ANKS1A: variants seen among roughly 807,000 people sequenced by gnomAD.
ANKS1A encodes ankyrin repeat and sterile alpha motif domain containing 1A.
A neutral mutation model predicts 120.3 loss-of-function variants in ANKS1A; 55 were observed. The observed-to-expected ratio is 0.46, with a 90% CI of 0.37 to 0.57. ANKS1A has a LOEUF of 0.57. Ranked by LOEUF, ANKS1A falls within the 20% of genes least tolerant of loss-of-function variation. ANKS1A has a pLI of 0.00. For missense variants in ANKS1A, 1,123 were observed against 1,480.3 expected (o/e 0.76, Z 3.96); for synonymous variants, 590 against 604.7 (o/e 0.98, Z 0.36).
chr6:34,953,840 G>A (rs1418529446), intron 1 of ANKS1A, among the ~76,000 whole-genome samples: 2 of 152,150 alleles, frequency 1.3e-5, no homozygotes, highest in South Asian at 4.1e-4. Context: ...GAGTAAATAC[G>A]CTGAATGACT....
At chr6:35,080,002 G>A in intron 16 of ANKS1A, 74 bp downstream of exon 16, 1 of 1,476,928 alleles carries the variant, frequency 6.8e-7, no homozygotes, top group Non-Finnish European at 9.3e-7. Context: ...AATTCTTTAG[G>A]ATTCTTCAGA....
chr6:34,905,541 C>T (rs1013889333), intron 1 of ANKS1A, among the ~76,000 whole-genome samples: 1 of 152,208 alleles, frequency 6.6e-6, no homozygotes, highest in African/African-American at 2.4e-5. Flanking sequence ...TTTATTTGCT[C>T]AGTTTACCTT....
rs1374499497 is a variant in ANKS1A, at chr6:34,894,654, C to T, written c.197+5055C>T. 5.3e-5 allele frequency among the ~76,000 whole-genome samples: 8 copies of T among 152,106 alleles called. No individual in the cohort carries two copies. In the East Asian group the frequency reaches 1.5e-3, roughly 29 times the overall value. ...GTGACAGAGCTAGACCACGTCCTCA[C>T]ACCACCACCCCCCAAAAAAAGAAGA... On this transcript the variant is annotated intron_variant, in intron 1 of 23. Coordinates refer to ENST00000360359, the MANE Select transcript of ANKS1A (RefSeq NM_015245.3).
At chr6:34,904,580 A>C (rs1767543565) in intron 1 of ANKS1A, among the ~76,000 whole-genome samples, 1 of 152,110 alleles carries the variant, frequency 6.6e-6, no homozygotes, top group South Asian at 2.1e-4. Context: ...AAAAATACAA[A>C]AATTAGCTGT....
intron 9 of ANKS1A, among the ~76,000 whole-genome samples, chr6:34,992,967 A>G (rs6457799): frequency 0.8 from 121,763 of 152,126 alleles, 50,719 homozygotes; most frequent in Non-Finnish European, 0.92. Context: ...CCAGTGGGCT[A>G]AGGGACATGT....
chr6:35,087,988 C>T (rs897469648), intron 23 of ANKS1A, among the ~76,000 whole-genome samples: 1 of 152,236 alleles, frequency 6.6e-6, no homozygotes, highest in Non-Finnish European at 1.5e-5. Context: ...CGGCCTGTGC[C>T]CTGCACACAC....
At chr6:35,079,695 T>C in intron 15 of ANKS1A, 27 bp downstream of exon 15, 3 of 1,614,044 alleles carry the variant, frequency 1.9e-6, no homozygotes, top group Non-Finnish European at 2.5e-6. Context: ...TGGCCCGGCC[T>C]GGACTCTCCA....
rs76448381 is a variant in ANKS1A, at chr6:34,915,839, G to A, written c.197+26240G>A. ...TCTCTGAGCCACTCTATTTTGTTTG[G>A]GGTTCACTCCTAGTTTAAGGCAGAG... On this transcript the variant is annotated intron_variant, in intron 1 of 23. Transcript: ENST00000360359. Among the ~76,000 whole-genome samples, 409 of 152,090 alleles carry A rather than the reference G, an allele frequency of 2.7e-3. 12 individuals carry two copies. The East Asian group carries it at 0.073, about 27-fold the overall frequency.
At position 34,977,308 on chromosome 6, in the gene ANKS1A, C is replaced by T. The variant is rs944929659; in HGVS notation, c.436-4382C>T. 4.6e-5 allele frequency among the ~76,000 whole-genome samples: 7 copies of T among 151,898 alleles called. No homozygotes were observed. In the East Asian group the frequency reaches 7.7e-4, roughly 17 times the overall value. ...TGCTTTGCATCAACAAGGCACATGA[C>T]GTTGGTTTGTCTCATTCTTGATGAT... is the stretch of plus-strand genomic sequence containing the variant. On this transcript the variant is annotated intron_variant, in intron 3 of 23. Transcript: ENST00000360359.
At chr6:35,048,434 A>G (rs1775820729) in intron 11 of ANKS1A, among the ~76,000 whole-genome samples, 1 of 152,192 alleles carries the variant, frequency 6.6e-6, no homozygotes. Flanking sequence ...GCCCGCTGGC[A>G]GATAGTTACT....
chr6:35,084,606 C>T lies in ANKS1A; in HGVS notation c.3132+348C>T, dbSNP rs1325897406. Among the ~76,000 whole-genome samples the T allele has an allele frequency of 2.6e-5, 4 of 151,612 alleles. No homozygotes were observed. The highest frequency in any genetic ancestry group is 7.3e-5 in the African/African-American group (3 of 41,244). On this transcript the variant is annotated intron_variant, in intron 21 of 23. Transcript: ENST00000360359. This position sits in a 1 kb window ranked among gnomAD's most constrained non-coding sequence, Gnocchi z 4.8. ...GCCTCCCACGTAACTGGATAATAGG[C>T]GTGAGCCACCGCCCCTGACTTTCCA...
At chr6:34,997,882 G>A (rs1772940176) in intron 10 of ANKS1A, among the ~76,000 whole-genome samples, 1 of 152,242 alleles carries the variant, frequency 6.6e-6, no homozygotes, top group Admixed American at 6.5e-5. Flanking sequence ...AACTGCCAAG[G>A]AGGACTTTTG....
At chr6:34,960,401 T>C (rs1770575068) in intron 1 of ANKS1A, among the ~76,000 whole-genome samples, 1 of 151,964 alleles carries the variant, frequency 6.6e-6, no homozygotes, top group African/African-American at 2.4e-5. Context: ...AGGGCAGACT[T>C]TGTCTTTTTC....
chr6:35,016,128 G>A (rs1773991988), intron 10 of ANKS1A, among the ~76,000 whole-genome samples: 1 of 152,194 alleles, frequency 6.6e-6, no homozygotes, highest in Non-Finnish European at 1.5e-5. Context: ...TAGACGCTGA[G>A]GCCCAATAAG....
intron 11 of ANKS1A, 106 bp from the exon 12 acceptor site, chr6:35,053,993 C>A: frequency 1.2e-6 from 1 of 858,760 alleles, no homozygotes; most frequent in Non-Finnish European, 2.0e-6. Flanking sequence ...TCCTGGGAAG[C>A]ATCTGAAAGA....
chr6:34,963,300 G>A (rs1367780676), intron 1 of ANKS1A, among the ~76,000 whole-genome samples: 1 of 152,012 alleles, frequency 6.6e-6, no homozygotes, highest in Non-Finnish European at 1.5e-5. Flanking sequence ...CCAGCTCCTG[G>A]TAACCACCAT....
intron 11 of ANKS1A, among the ~76,000 whole-genome samples, chr6:35,040,899 C>T (rs1212995301): frequency 6.6e-6 from 1 of 152,234 alleles, no homozygotes; most frequent in Non-Finnish European, 1.5e-5. Context: ...TCTGCCTCCA[C>T]TGTGTCTTCC....
At position 35,050,830 on chromosome 6, in the gene ANKS1A, A is replaced by T. The variant is rs1315823246; in HGVS notation, c.2011-3269A>T. 6.6e-6 allele frequency among the ~76,000 whole-genome samples: 1 copy of T among 152,136 alleles called. No homozygotes were observed. The highest frequency in any genetic ancestry group is 2.4e-5 in the African/African-American group (1 of 41,430). On this transcript the variant is annotated intron_variant, in intron 11 of 23. Coordinates refer to ENST00000360359, the MANE Select transcript of ANKS1A (RefSeq NM_015245.3). This position sits in a 1 kb window ranked among gnomAD's most constrained non-coding sequence, Gnocchi z 4.3. ...CTCCTGGCCCTGAGCTTCCACCAAG[A>T]CAGGTTCCAGTTGCTGAGGAAGGAG... is the stretch of plus-strand genomic sequence containing the variant.
intron 10 of ANKS1A, among the ~76,000 whole-genome samples, chr6:35,011,383 A>G (rs749211097): frequency 1.1e-3 from 174 of 152,316 alleles, no homozygotes; most frequent in Non-Finnish European, 2.0e-3. Context: ...GGCTGGTTGG[A>G]AGCTGATCCA....
Sources: gnomAD v4.1 joint callset for allele counts (sites outside exome capture counted in the v4.1 genomes callset) on GRCh38, gnomAD v4.1.1 for gene constraint, Gnocchi (gnomAD v3.1) non-coding constraint, MANE v1.5 for transcripts, NCBI Gene and HGNC (gene_info 2026-07-23, HGNC 2026-07-21) for gene names.